CIMIP6: variants seen among roughly 807,000 people sequenced by gnomAD.
The protein encoded by CIMIP6 is ciliary microtubule inner protein 6.
the CIMIP6 span, among the ~76,000 whole-genome samples, chr2:54,332,141 T>G: frequency 1.3e-5 from 2 of 152,204 alleles, no homozygotes; most frequent in Non-Finnish European, 2.9e-5. Flanking sequence ...CAGTTCACTC[T>G]GCTAGAATGC....
chr2:54,360,220 A>G, the CIMIP6 span: 14 of 1,594,244 alleles, frequency 8.8e-6, no homozygotes, highest in Admixed American at 2.1e-4. Context: ...GAGCTTTTGT[A>G]CAGAGAGAGA....
chr2:54,354,974 C>T, the CIMIP6 span, among the ~76,000 whole-genome samples: 1 of 152,022 alleles, frequency 6.6e-6, no homozygotes, highest in Admixed American at 6.6e-5. Context: ...CAGACATCCT[C>T]TTTGATTTAT....
chr2:54,337,340 G>A, the CIMIP6 span, among the ~76,000 whole-genome samples: 1 of 152,136 alleles, frequency 6.6e-6, no homozygotes, highest in South Asian at 2.1e-4. Context: ...ACCCCTTTAA[G>A]GGCCATATTG....
At chr2:54,335,065 T>G in the CIMIP6 span, 1 of 1,469,330 alleles carries the variant, frequency 6.8e-7, no homozygotes, top group South Asian at 1.3e-5. Flanking sequence ...AGATTTAGAT[T>G]CAGATGCTGT....
the CIMIP6 span, among the ~76,000 whole-genome samples, chr2:54,353,471 G>A: frequency 6.6e-6 from 1 of 152,026 alleles, no homozygotes; most frequent in Non-Finnish European, 1.5e-5. Flanking sequence ...GTAGTTGATA[G>A]GCTTCTGGTT....
chr2:54,379,304 G>A, the CIMIP6 span, among the ~76,000 whole-genome samples: 12 of 152,288 alleles, frequency 7.9e-5, no homozygotes, highest in African/African-American at 2.2e-4. Context: ...AAAAAAGGAC[G>A]TCTGGGAAGC....
the CIMIP6 span, among the ~76,000 whole-genome samples, chr2:54,352,292 ATTTG>A: frequency 6.6e-6 from 1 of 151,844 alleles, no homozygotes; most frequent in South Asian, 2.1e-4. Flanking sequence ...AAAGCATTAA[ATTTG>A]TTTTATATTG....
At chr2:54,347,551 A>G in the CIMIP6 span, among the ~76,000 whole-genome samples, 1 of 152,138 alleles carries the variant, frequency 6.6e-6, no homozygotes, top group Admixed American at 6.6e-5. Flanking sequence ...TCAGCTACTC[A>G]AGTTGAAGGG....
At chr2:54,345,407 T>G in the CIMIP6 span, among the ~76,000 whole-genome samples, 1 of 152,190 alleles carries the variant, frequency 6.6e-6, no homozygotes, top group Non-Finnish European at 1.5e-5. Context: ...ATTCCTGTGC[T>G]TGGTAAGAAT....
chr2:54,353,920 G>GGTTT, the CIMIP6 span, among the ~76,000 whole-genome samples: 4 of 151,926 alleles, frequency 2.6e-5, no homozygotes, highest in African/African-American at 9.7e-5. Flanking sequence ...TTTTAAGAAG[G>GGTTT]GTTTTTCCTA....
At chr2:54,341,822 A>G in the CIMIP6 span, among the ~76,000 whole-genome samples, 27 of 152,290 alleles carry the variant, frequency 1.8e-4, no homozygotes, top group Admixed American at 3.9e-4. Flanking sequence ...GGGGTGTAAT[A>G]AGCACTATTA....
At chr2:54,378,059 C>A in the CIMIP6 span, among the ~76,000 whole-genome samples, 1 of 152,170 alleles carries the variant, frequency 6.6e-6, no homozygotes, top group African/African-American at 2.4e-5. Flanking sequence ...ATTTAGAGAG[C>A]CCTGCAGAGC....
the CIMIP6 span, among the ~76,000 whole-genome samples, chr2:54,355,882 AC>A: frequency 2.0e-5 from 3 of 152,104 alleles, no homozygotes; most frequent in Non-Finnish European, 4.4e-5. Flanking sequence ...TCTCCTTCAC[AC>A]AGTATATGTT....
At chr2:54,361,597 TA>T in the CIMIP6 span, 4 of 152,254 alleles carry the variant, frequency 2.6e-5, no homozygotes, top group South Asian at 2.1e-4. Context: ...AATGTCATTA[TA>T]TTTTTTTGTG....
chr2:54,349,794 T>G, the CIMIP6 span, among the ~76,000 whole-genome samples: 1 of 152,192 alleles, frequency 6.6e-6, no homozygotes, highest in African/African-American at 2.4e-5. Flanking sequence ...GAATTTCCCT[T>G]TATAATAACT....
At chr2:54,335,247 G>C in the CIMIP6 span, among the ~76,000 whole-genome samples, 1 of 152,024 alleles carries the variant, frequency 6.6e-6, no homozygotes, top group African/African-American at 2.4e-5. Context: ...CCCTAGATTG[G>C]GTCAGATTAT....
chr2:54,341,243 A>C, the CIMIP6 span, among the ~76,000 whole-genome samples: 1 of 152,200 alleles, frequency 6.6e-6, no homozygotes, highest in Non-Finnish European at 1.5e-5. Flanking sequence ...GGGACCCTTA[A>C]GGGGTGACTA....
chr2:54,357,373 A>T, the CIMIP6 span, among the ~76,000 whole-genome samples: 1 of 152,200 alleles, frequency 6.6e-6, no homozygotes, highest in Non-Finnish European at 1.5e-5. Flanking sequence ...GATTTTTAAA[A>T]GTTAAATTTT....
chr2:54,351,969 C>A, the CIMIP6 span, among the ~76,000 whole-genome samples: 1 of 151,316 alleles, frequency 6.6e-6, no homozygotes. Flanking sequence ...ACCTATGGAG[C>A]AGCCCTGTTC....
Sources: allele counts gnomAD v4.1 joint callset (sites outside exome capture counted in the v4.1 genomes callset), GRCh38; gene constraint gnomAD v4.1.1; transcripts MANE v1.5; gene names NCBI Gene and HGNC (gene_info 2026-07-23, HGNC 2026-07-21).